The following ESRRG variants were observed in gnomAD, a reference collection of about 807,000 sequenced individuals.
The protein encoded by ESRRG is estrogen-related receptor gamma.
ESRRG carries 13 observed loss-of-function variants against 44.0 expected under a neutral mutation model. The ratio of observed to expected loss-of-function variants is 0.30; its 90% CI spans 0.19 to 0.47. ESRRG has a LOEUF of 0.47. Ranked by LOEUF, ESRRG falls within the 20% of genes least tolerant of loss-of-function variation. ESRRG has a pLI of 1.00. For synonymous variants in ESRRG, 215 were observed against 214.6 expected (o/e 1.00, Z -0.02); for missense variants, 395 against 580.6 (o/e 0.68, Z 3.29).
chr1:216,735,291 C>T (rs1363744944), intron 2 of ESRRG, among the ~76,000 whole-genome samples: 1 of 151,850 alleles, frequency 6.6e-6, no homozygotes, highest in Non-Finnish European at 1.5e-5. Context: ...TCACTGCACC[C>T]TCAAACTCCT....
chr1:217,080,284 A>G (rs928111399), intron 1 of ESRRG, among the ~76,000 whole-genome samples: 1 of 152,122 alleles, frequency 6.6e-6, no homozygotes, highest in African/African-American at 2.4e-5. Context: ...TGTTTAATAA[A>G]TTTTCCTAAA....
At chr1:216,538,258 T>G (rs1374891095) in intron 5 of ESRRG, among the ~76,000 whole-genome samples, 1 of 151,168 alleles carries the variant, frequency 6.6e-6, no homozygotes, top group South Asian at 2.1e-4. Context: ...ATTAAAAATT[T>G]TGTGTGTGTG....
chr1:216,577,464 C>T (rs1433416130), intron 3 of ESRRG, among the ~76,000 whole-genome samples: 1 of 151,952 alleles, frequency 6.6e-6, no homozygotes, highest in Non-Finnish European at 1.5e-5. Context: ...TGTACATCAA[C>T]ATCAGAAGTG....
chr1:216,859,952 G>A (rs894927974), intron 2 of ESRRG, among the ~76,000 whole-genome samples: 2 of 152,078 alleles, frequency 1.3e-5, no homozygotes, highest in Non-Finnish European at 2.9e-5. Flanking sequence ...AGACCCCAAA[G>A]TGACCCAGAT....
chr1:216,679,718 C>G (rs976031281), intron 1 of ESRRG, among the ~76,000 whole-genome samples: 1 of 146,924 alleles, frequency 6.8e-6, no homozygotes, highest in African/African-American at 2.5e-5. Context: ...CCCTCTCTCT[C>G]TTTTCCTGTA....
intron 1 of ESRRG, among the ~76,000 whole-genome samples, chr1:216,717,262 C>G (rs2152029818): frequency 6.6e-6 from 1 of 151,766 alleles, no homozygotes; most frequent in Middle Eastern, 3.4e-3. Flanking sequence ...AAATATTGTC[C>G]AAATCATAGG....
intron 2 of ESRRG, among the ~76,000 whole-genome samples, chr1:216,784,548 A>T (rs1467965099): frequency 6.6e-6 from 1 of 152,110 alleles, no homozygotes; most frequent in African/African-American, 2.4e-5. Flanking sequence ...ATAAAACATA[A>T]CAATTTATTC....
At chr1:217,104,683 G>A (rs79294019) in intron 1 of ESRRG, among the ~76,000 whole-genome samples, 16 of 152,130 alleles carry the variant, frequency 1.1e-4, no homozygotes, top group Non-Finnish European at 7.3e-5. Context: ...GTAGGAAAGG[G>A]TCTAGAGAAT....
At chr1:216,995,359 G>A (rs1174110139) in intron 1 of ESRRG, among the ~76,000 whole-genome samples, 1 of 152,170 alleles carries the variant, frequency 6.6e-6, no homozygotes, top group African/African-American at 2.4e-5. Flanking sequence ...TACTACCAGA[G>A]TGTCTCTCCA....
chr1:216,603,912 G>A (rs181340440), intron 3 of ESRRG, among the ~76,000 whole-genome samples: 1 of 140,196 alleles, frequency 7.1e-6, no homozygotes, highest in Non-Finnish European at 1.5e-5. Flanking sequence ...CAGCCTGGGC[G>A]ACAGAGACTC....
At chr1:216,727,765 C>G (rs555926479), upstream of ESRRG, among the ~76,000 whole-genome samples, 4 of 152,012 alleles carry the variant, frequency 2.6e-5, no homozygotes, top group Non-Finnish European at 5.9e-5. Flanking sequence ...TTTGACAAAC[C>G]TCTTGTCCTA....
chr1:217,029,698 C>T (rs2081765330), intron 1 of ESRRG, among the ~76,000 whole-genome samples: 1 of 152,096 alleles, frequency 6.6e-6, no homozygotes, highest in Non-Finnish European at 1.5e-5. Flanking sequence ...ACACTTGACT[C>T]AGAAACAATC....
intron 2 of ESRRG, among the ~76,000 whole-genome samples, chr1:216,810,748 T>A (rs921079930): frequency 6.7e-6 from 1 of 148,178 alleles, no homozygotes; most frequent in Non-Finnish European, 1.5e-5. Flanking sequence ...TATATATAAC[T>A]CTATGATATA....
chr1:217,008,141 T>C (rs1395460888), intron 1 of ESRRG, among the ~76,000 whole-genome samples: 1 of 152,228 alleles, frequency 6.6e-6, no homozygotes, highest in Non-Finnish European at 1.5e-5. Flanking sequence ...TCTTCACCAC[T>C]GCAAACCATT....
At chr1:216,810,112 T>G (rs990431852) in intron 2 of ESRRG, among the ~76,000 whole-genome samples, 1 of 151,890 alleles carries the variant, frequency 6.6e-6, no homozygotes, top group Non-Finnish European at 1.5e-5. Context: ...CTTTTATGAG[T>G]GGTGGTGGCG....
At chr1:216,734,401 TG>T (rs1327933223) in intron 2 of ESRRG, among the ~76,000 whole-genome samples, 1 of 152,164 alleles carries the variant, frequency 6.6e-6, no homozygotes, top group Admixed American at 6.5e-5. Context: ...CTGTCAGGAA[TG>T]GCTTGGTGCT....
At chr1:216,853,507 G>T (rs2095871466) in intron 2 of ESRRG, among the ~76,000 whole-genome samples, 3 of 152,062 alleles carry the variant, frequency 2.0e-5, no homozygotes. Flanking sequence ...CCTTCCTCTA[G>T]CTCCTCCATT....
chr1:216,929,723 A>T (rs1017550186), intron 2 of ESRRG, among the ~76,000 whole-genome samples: 2 of 152,208 alleles, frequency 1.3e-5, no homozygotes, highest in Non-Finnish European at 2.9e-5. Context: ...TGCAGACCAC[A>T]GGGGGCCTAG....
intron 2 of ESRRG, among the ~76,000 whole-genome samples, chr1:216,655,529 A>C (rs2070266137): frequency 6.6e-6 from 1 of 152,206 alleles, no homozygotes; most frequent in Non-Finnish European, 1.5e-5. Flanking sequence ...CAACATATGT[A>C]TAAAAATTTC....
Sources: gnomAD v4.1 joint callset for allele counts (sites outside exome capture counted in the v4.1 genomes callset) on GRCh38, gnomAD v4.1.1 for gene constraint, MANE v1.5 for transcripts, NCBI Gene and HGNC (gene_info 2026-07-23, HGNC 2026-07-21) for gene names.